Variants in NOBOX observed in about 807,000 individuals in gnomAD.
NOBOX encodes homeobox protein NOBOX.
A neutral mutation model predicts 60.2 loss-of-function variants in NOBOX; 46 were observed. The ratio of observed to expected loss-of-function variants is 0.76; its 90% confidence interval spans 0.60 to 0.98. NOBOX has a LOEUF of 0.98. Ranked by LOEUF, NOBOX falls within the 50% of genes least tolerant of loss-of-function variation. The probability of loss-of-function intolerance (pLI) is 0.00; values close to 1 mark genes in which losing one functional copy is unlikely to be tolerated. For synonymous variants in NOBOX, 360 were observed against 346.3 expected, an observed-to-expected ratio of 1.04 and a Z score of -0.44; for missense variants, 880 against 865.5, an observed-to-expected ratio of 1.02 and a Z score of -0.21.
Position 144,404,593 on chromosome 7 carries a change from A to C in NOBOX, c.173T>G (p.Ile58Ser). Residue 58 changes from isoleucine to serine, a missense_variant, in exon 2 of 10, where the codon ATC (isoleucine) becomes AGC (serine). Ile to Ser is a moderately radical substitution (Grantham distance 142, BLOSUM62 -2). Coordinates refer to ENST00000467773, the MANE Select transcript of NOBOX (RefSeq NM_001080413.3). ...CTCCAGAGCACAAAGGCTGCACCGG[A>C]TGATGAAGAAGGAGCTGAAAGAGCC... is the stretch of plus-strand genomic sequence containing the variant. The C allele has an allele frequency of 6.2e-7, 1 of 1,613,988 alleles. No individual in the cohort carries two copies. Among genetic ancestry groups the C allele is most frequent in the African/African-American group, 1.3e-5 (1 of 75,042 alleles).
rs866466791 is a variant in NOBOX at position 144,402,782 on chromosome 7, A to G, written c.211-832T>C. On this transcript the variant is annotated intron_variant, in intron 2 of 9. Transcript: ENST00000467773. ...TTTTTTTTTTTTTTTTTTGAGATGGAGTCTCGCTCCGTCGCCCAGGCTGCA... is the reference window on the plus strand; with the variant it reads ...TTTTTTTTTTTTTTTTTTGAGATGGGGTCTCGCTCCGTCGCCCAGGCTGCA... Among the ~76,000 whole-genome samples, 22 of 104,610 alleles carry G rather than the reference A, an allele frequency of 2.1e-4. 1 individual carries two copies. The highest frequency in any genetic ancestry group is 7.6e-4 in the African/African-American group (20 of 26,212). The allele number at this position is 104,610 out of a possible 152,430, so 68.6% of individuals were successfully genotyped here. A position where few individuals can be genotyped will look rare whatever the true frequency, so the allele number is the denominator to read the frequency against.
In NOBOX at chr7:144,400,304, C is replaced by A; in HGVS notation, c.853G>T (p.Glu285Ter). The change falls in exon 5 of 10, where the codon GAG becomes TAG. Residue 285 changes from glutamate (E) to a stop codon, truncating the protein, a stop_gained. Transcript: ENST00000467773. LOFTEE classifies it high-confidence loss of function. The stretch of plus-strand genomic sequence containing the variant: ...TCTTGGAATATCTTCTCTAGCTCCT[C>A]CAGCTGATCTGAAAGAAGAAGAAAC... 2.5e-6 allele frequency: 4 copies of A among 1,613,868 alleles called. No individual in the cohort carries two copies. Among genetic ancestry groups the A allele is most frequent in the Non-Finnish European group, 3.4e-6 (4 of 1,179,758 alleles).
At position 144,404,579 on chromosome 7, in the gene NOBOX, A is replaced by G; in HGVS notation, c.187T>C (p.Cys63Arg). The G allele has an allele frequency of 6.2e-7, 1 of 1,613,584 alleles. No individual in the cohort carries two copies. The highest frequency in any genetic ancestry group is 8.5e-7 in the Non-Finnish European group (1 of 1,179,826). ...ACTGATTTGAGGGTCTCCAGAGCAC[A>G]AAGGCTGCACCGGATGATGAAGAAG... The change falls in exon 2 of 10, where the codon TGT (cysteine) becomes CGT (arginine). Residue 63 changes from cysteine (C) to arginine (R), a missense_variant. Cys to Arg is a radical substitution (Grantham distance 180). Transcript: ENST00000467773.
Position 144,397,481 on chromosome 7 carries a change from G to C in NOBOX, c.1835C>G (p.Pro612Arg), listed in dbSNP as rs1259225423. 9.8e-6 allele frequency: 15 copies of C among 1,537,140 alleles called. No homozygotes were observed. The highest frequency in any genetic ancestry group is 1.1e-5 in the Non-Finnish European group (13 of 1,146,834). The change falls in exon 10 of 10, where the codon CCA becomes CGA. Residue 612 changes from proline to arginine, a missense_variant. Physicochemically the swap from Pro to Arg is moderately radical, Grantham distance 103 (BLOSUM62 -2). Coordinates refer to ENST00000467773, the MANE Select transcript of NOBOX (RefSeq NM_001080413.3). ...TCCTGGGGGATGCCCCAGAGCTTGT[G>C]GGCAGAACGGACCAGGGAAGGGCAG...
At chr7:144,402,723 C>A (rs2053950587) in intron 2 of NOBOX, among the ~76,000 whole-genome samples, 1 of 148,530 alleles carries the variant, frequency 6.7e-6, no homozygotes, top group Non-Finnish European at 1.5e-5. Flanking sequence ...ATGAAAATTG[C>A]ATGAGATAGG....
chr7:144,397,173 CCT>C (rs2053898459), downstream of NOBOX: 1 of 1,383,518 alleles, frequency 7.2e-7, no homozygotes, highest in Non-Finnish European at 9.7e-7. Flanking sequence ...ACCCCCAACC[CCT>C]GTCCTCTCAG....
Position 144,399,762 on chromosome 7 carries a change from T to C in NOBOX, c.1149A>G (p.Gln383=), listed in dbSNP as rs1563128050. The C allele has an allele frequency of 1.2e-6, 2 of 1,610,012 alleles. No individual in the cohort carries two copies. Among genetic ancestry groups the C allele is most frequent in the Non-Finnish European group, 8.5e-7 (1 of 1,177,674 alleles). Reference sequence around the variant, plus strand: ...GAAAGAGGAAGAATTCTGACCTGCATTGACTGCTGGCAGGGCCAGGGGCTG... The same window carrying C: ...GAAAGAGGAAGAATTCTGACCTGCACTGACTGCTGGCAGGGCCAGGGGCTG... Residue 383 remains glutamine, a synonymous_variant, in exon 6 of 10, where the codon CAA becomes CAG. Coordinates refer to ENST00000467773, the MANE Select transcript of NOBOX (RefSeq NM_001080413.3).
chr7:144,398,228 C>A, intron 9 of NOBOX, 54 bp downstream of exon 7: 2 of 1,499,740 alleles, frequency 1.3e-6, no homozygotes, highest in Non-Finnish European at 9.0e-7. Context: ...GGCTCTTTGT[C>A]CCCTCCCACC....
chr7:144,401,536 G>A lies in NOBOX; in HGVS notation c.354C>T (p.Gly118=), dbSNP rs1367578120. 1 of 1,516,484 alleles carries A rather than the reference G, an allele frequency of 6.6e-7. No individual in the cohort carries two copies. The highest frequency in any genetic ancestry group is 2.3e-5 in the East Asian group (1 of 44,140). 93.9% of individuals were successfully genotyped at this position (1,516,484 alleles called of 1,614,324 possible). Reference sequence around the variant, plus strand: ...GAGTGTCCTGAGCATGAGGGGCTGAGCCCCGGAGCAGTTCCTCCTCCCCGG... The same window carrying A: ...GAGTGTCCTGAGCATGAGGGGCTGAACCCCGGAGCAGTTCCTCCTCCCCGG... Residue 118 remains glycine (G), a synonymous_variant, in exon 4 of 10, where the codon GGC becomes GGT. Transcript: ENST00000467773. The surrounding 1 kb of genome is among the most constrained non-coding windows in gnomAD (Gnocchi z 4.2).
intron 2 of NOBOX, 106 bp downstream of exon 1, chr7:144,403,551 C>G: frequency 2.9e-6 from 1 of 350,096 alleles, no homozygotes; most frequent in Non-Finnish European, 5.6e-6. Flanking sequence ...CCTCGGCCTA[C>G]TGAAGCTCTT....
At chr7:144,398,899 C>T in intron 8 of NOBOX, 51 bp downstream of exon 6, 1 of 1,027,330 alleles carries the variant, frequency 9.7e-7, no homozygotes. Flanking sequence ...ATCTACACCC[C>T]CCTACCCCCA....
chr7:144,400,176 C>A lies in NOBOX; in HGVS notation c.981G>T (p.Gly327=). The change falls in exon 5 of 10, where the codon GGG becomes GGT. Residue 327 remains glycine (G), a synonymous_variant. Transcript: ENST00000467773. ...CAATGGTGGGCCCTCCGCCACTCCACCCTGCCACCAGTGAGCCGGCCCCCT... is the reference window on the plus strand; with the variant it reads ...CAATGGTGGGCCCTCCGCCACTCCAACCTGCCACCAGTGAGCCGGCCCCCT... 1 of 1,614,056 alleles carries A rather than the reference C, an allele frequency of 6.2e-7. No individual in the cohort carries two copies. Among genetic ancestry groups the A allele is most frequent in the Non-Finnish European group, 8.5e-7 (1 of 1,179,904 alleles).
chr7:144,397,284 G>A lies in NOBOX; in HGVS notation c.2032C>T (p.Leu678=). The A allele has an allele frequency of 6.5e-7, 1 of 1,537,194 alleles. No homozygotes were observed. Among genetic ancestry groups the A allele is most frequent in the Non-Finnish European group, 8.7e-7 (1 of 1,146,848 alleles). ...TTGTCATCCCCTCTGGCCTCCTCCA[G>A]TGCTGAGGGCTGATCCAGGGAAGCA... is the stretch of plus-strand genomic sequence containing the variant. The change falls in exon 10 of 10, where the codon CTG becomes TTG. Residue 678 remains leucine, a synonymous_variant. Coordinates refer to ENST00000467773, the MANE Select transcript of NOBOX (RefSeq NM_001080413.3).
chr7:144,400,459 G>A (rs1247217110), intron 4 of NOBOX, 147 bp from the exon 3 acceptor site: 1 of 670,644 alleles, frequency 1.5e-6, no homozygotes, highest in South Asian at 1.9e-5. Flanking sequence ...CTATTGGGCT[G>A]GGCCTTCTCG....
intron 2 of NOBOX, chr7:144,402,018 G>T: frequency 8.9e-7 from 1 of 1,129,896 alleles, no homozygotes; most frequent in Non-Finnish European, 1.3e-6. Context: ...AAGGCGGGAT[G>T]CTGTTTCTGC....
chr7:144,410,064 T>A, intron 1 of NOBOX: 1 of 901,666 alleles, frequency 1.1e-6, no homozygotes, highest in Non-Finnish European at 1.8e-6. Flanking sequence ...GAGTCCTCAG[T>A]GTATGGGAAG....
intron 2 of NOBOX, 34 bp from the exon 1 acceptor site, chr7:144,403,727 A>G (rs1036372887): frequency 8.6e-6 from 6 of 697,710 alleles, no homozygotes; most frequent in Non-Finnish European, 1.6e-5. Flanking sequence ...CCGGCCCGTG[A>G]TGCACAGGCG....
At chr7:144,404,245 G>A (rs1224515635) in intron 2 of NOBOX, among the ~76,000 whole-genome samples, 2 of 152,170 alleles carry the variant, frequency 1.3e-5, no homozygotes, top group African/African-American at 4.8e-5. Flanking sequence ...TCCCCTTCCT[G>A]ATTTTGTTTG....
chr7:144,401,868 C>T lies in NOBOX; in HGVS notation c.292+1G>A. ...GTATCTCCTAATTTGGGGGTACTCACCCCTTGTGAGTTCCCTTTTCCCAGA... is the reference window on the plus strand; with the variant it reads ...GTATCTCCTAATTTGGGGGTACTCATCCCTTGTGAGTTCCCTTTTCCCAGA... On this transcript the variant is annotated splice_donor_variant, in intron 3 of 9. Coordinates refer to ENST00000467773, the MANE Select transcript of NOBOX (RefSeq NM_001080413.3). LOFTEE classifies it high-confidence loss of function. The surrounding 1 kb of genome is among the most constrained non-coding windows in gnomAD (Gnocchi z 4.2). 6.3e-7 allele frequency: 1 copy of T among 1,594,728 alleles called. No homozygotes were observed.
Sources: gnomAD v4.1 joint callset for allele counts (sites outside exome capture counted in the v4.1 genomes callset) on GRCh38, gnomAD v4.1.1 for gene constraint, Gnocchi (gnomAD v3.1) non-coding constraint, MANE v1.5 for transcripts, NCBI Gene and HGNC (gene_info 2026-07-23, HGNC 2026-07-21) for gene names.